Variants in ABCD2 observed in about 807,000 individuals in gnomAD.
The protein encoded by ABCD2 is ATP binding cassette subfamily D member 2, also known as ATP-binding cassette sub-family D member 2.
In ABCD2, 36 loss-of-function variants were observed where a neutral mutation model predicts 70.9. The ratio of observed to expected loss-of-function variants is 0.51; its 90% CI spans 0.39 to 0.67. The LOEUF is 0.67. ABCD2 is among the 30% of genes least tolerant of loss of function. The pLI is 0.00. For synonymous variants in ABCD2, 304 were observed against 306.9 expected, an observed-to-expected ratio of 0.99 and a Z score of 0.10; for missense variants, 729 against 890.2, an observed-to-expected ratio of 0.82 and a Z score of 2.30.
At chr12:39,582,648 A>G (rs531151005) in intron 7 of ABCD2, among the ~76,000 whole-genome samples, 1 of 152,350 alleles carries the variant, frequency 6.6e-6, no homozygotes, top group African/African-American at 2.4e-5. Flanking sequence ...GGAGTTGACC[A>G]CATGAAACAA....
At chr12:39,577,302 T>C (rs1273393157) in intron 8 of ABCD2, among the ~76,000 whole-genome samples, 1 of 152,202 alleles carries the variant, frequency 6.6e-6, no homozygotes, top group Non-Finnish European at 1.5e-5. Flanking sequence ...GCTATGTTCT[T>C]ATTCAAAAGG....
chr12:39,538,510 CTTTG>C, the ABCD2 span, among the ~76,000 whole-genome samples: 2 of 152,248 alleles, frequency 1.3e-5, no homozygotes, highest in East Asian at 3.9e-4. Context: ...TCTTTCCTTG[CTTTG>C]TTTGTGCATT....
chr12:39,563,748 T>C (rs570693876), intron 9 of ABCD2, among the ~76,000 whole-genome samples: 4 of 152,220 alleles, frequency 2.6e-5, no homozygotes, highest in Admixed American at 1.3e-4. Context: ...TTAACATTAG[T>C]TATATCTCCT....
the ABCD2 span, among the ~76,000 whole-genome samples, chr12:39,533,356 GA>G: frequency 6.6e-6 from 1 of 152,012 alleles, no homozygotes; most frequent in African/African-American, 2.4e-5. Flanking sequence ...CTATCATAAT[GA>G]GCAAAACAAT....
the ABCD2 span, among the ~76,000 whole-genome samples, chr12:39,534,639 CAGAAAGAAAGAAAGAAAAAA>C: frequency 7.3e-6 from 1 of 137,860 alleles, no homozygotes; most frequent in African/African-American, 2.8e-5. Context: ...CAGGGAGACC[CAGAAAGAAAGAAAGAAAAAA>C]AGAAAGAAAG....
Position 39,553,970 on chromosome 12 carries a change from T to A in ABCD2, c.2165A>T (p.Lys722Ile). Residue 722 changes from lysine (K) to isoleucine (I), a missense_variant, in exon 10 of 10, where the codon AAA becomes ATA. Physicochemically the swap from Lys to Ile is moderately radical, Grantham distance 102. This residue lies in a region of ABCD2 where 289 missense variants were observed against 328.8 expected (regional missense o/e 0.88). Coordinates refer to ENST00000308666, the MANE Select transcript of ABCD2 (RefSeq NM_005164.4). ...KMQQRLNELC[K>I]ILGEDSVLKT... ...CAGCACTGAGTCTTCTCCCAAAATT[T>A]TACATAGTTCATTGAGTCTCTGCTG... 6.2e-7 allele frequency: 1 copy of A among 1,613,294 alleles called. No individual in the cohort carries two copies. Among genetic ancestry groups the A allele is most frequent in the South Asian group, 1.1e-5 (1 of 91,066 alleles).
At chr12:39,568,052 C>A (rs1941384635) in intron 9 of ABCD2, among the ~76,000 whole-genome samples, 1 of 151,860 alleles carries the variant, frequency 6.6e-6, no homozygotes, top group Non-Finnish European at 1.5e-5. Flanking sequence ...TCTGGCTGCC[C>A]TTAACATTTT....
intron 6 of ABCD2, among the ~76,000 whole-genome samples, chr12:39,589,255 A>C (rs1484730390): frequency 6.6e-6 from 1 of 152,126 alleles, no homozygotes; most frequent in Non-Finnish European, 1.5e-5. Flanking sequence ...AGACAGCACA[A>C]GCTTATTTTA....
At position 39,596,805 on chromosome 12, in the gene ABCD2, CA is replaced by C. The variant is rs1566572803; in HGVS notation, c.1646+3765del. On this transcript the variant is annotated intron_variant, in intron 6 of 9. Transcript: ENST00000308666. ...TAGAATTACATGATGGGTTGGTGCC[CA>C]GGGTGGAACTGGTTCCAGGACCCCA... Among the ~76,000 whole-genome samples the C allele has an allele frequency of 2.0e-5, 3 of 152,122 alleles. No individual in the cohort carries two copies. The South Asian group carries it at 6.2e-4, about 32-fold the overall frequency.
the ABCD2 span, among the ~76,000 whole-genome samples, chr12:39,538,561 A>T: frequency 0.088 from 13,351 of 152,138 alleles, 1,263 homozygotes; most frequent in African/African-American, 0.24. Flanking sequence ...AAGAACCTGG[A>T]CACCTTCCAC....
At chr12:39,605,667 G>T (rs1438462233) in intron 3 of ABCD2, among the ~76,000 whole-genome samples, 1 of 151,920 alleles carries the variant, frequency 6.6e-6, no homozygotes, top group Admixed American at 6.6e-5. Context: ...TCTATTAAGA[G>T]AACACCTTGC....
At chr12:39,541,273 G>A in the ABCD2 span, among the ~76,000 whole-genome samples, 25 of 152,308 alleles carry the variant, frequency 1.6e-4, no homozygotes, top group South Asian at 5.2e-3. Context: ...AAAGAAGACA[G>A]TGCTGTTATG....
At chr12:39,534,800 AAG>A in the ABCD2 span, among the ~76,000 whole-genome samples, 1 of 147,668 alleles carries the variant, frequency 6.8e-6, no homozygotes, top group African/African-American at 2.6e-5. Flanking sequence ...GAAAGAAAGA[AAG>A]AAAGAAAAGA....
At position 39,579,724 on chromosome 12, in the gene ABCD2, A is replaced by T. The variant is rs1276563006; in HGVS notation, c.1793-105T>A. ...TGACAAATTCAAATTGTCAACATGA[A>T]GAACTTGGTATTTTATAGGATATAT... On this transcript the variant is annotated intron_variant, in intron 7 of 9. Transcript: ENST00000308666. 3 of 843,990 alleles carry T rather than the reference A, an allele frequency of 3.6e-6. No homozygotes were observed. The East Asian group carries it at 8.2e-5, about 23-fold the overall frequency. 52.3% of individuals were successfully genotyped at this position (843,990 alleles called of 1,614,324 possible). A position where few individuals can be genotyped will look rare whatever the true frequency, so the allele number is the denominator to read the frequency against.
intron 9 of ABCD2, among the ~76,000 whole-genome samples, chr12:39,562,824 C>T (rs79556340): frequency 1.1e-3 from 160 of 152,136 alleles, no homozygotes; most frequent in Non-Finnish European, 1.6e-3. Context: ...CCAGCATTAC[C>T]CTGATACTGA....
At chr12:39,612,214 T>C (rs1161314249) in intron 2 of ABCD2, among the ~76,000 whole-genome samples, 1 of 152,174 alleles carries the variant, frequency 6.6e-6, no homozygotes, top group African/African-American at 2.4e-5. Context: ...AATCTAGCAG[T>C]TTTACTTCTA....
intron 8 of ABCD2, among the ~76,000 whole-genome samples, chr12:39,578,764 T>C (rs928235427): frequency 6.6e-6 from 1 of 151,916 alleles, no homozygotes; most frequent in African/African-American, 2.4e-5. Flanking sequence ...CCTTTTTCCA[T>C]TGGCTATGGC....
intron 2 of ABCD2, among the ~76,000 whole-genome samples, chr12:39,612,741 T>C (rs1942061847): frequency 6.6e-6 from 1 of 152,172 alleles, no homozygotes; most frequent in African/African-American, 2.4e-5. Flanking sequence ...TGGCCCACAA[T>C]ATAAAATAAC....
chr12:39,568,179 C>T (rs896235912), intron 9 of ABCD2, among the ~76,000 whole-genome samples: 2 of 152,150 alleles, frequency 1.3e-5, no homozygotes, highest in African/African-American at 2.4e-5. Context: ...GCCTGCCTTG[C>T]TAGATTGGGG....
Sources: gnomAD v4.1 joint callset for allele counts (sites outside exome capture counted in the v4.1 genomes callset) on GRCh38, gnomAD v4.1.1 for gene constraint, gnomAD v4.1.1 regional missense constraint, MANE v1.5 for transcripts, NCBI Gene and HGNC (gene_info 2026-07-23, HGNC 2026-07-21) for gene names.